The following DCDC1 variants were observed in gnomAD, a reference collection of about 807,000 sequenced individuals.
DCDC1 encodes doublecortin domain-containing protein 1.
In DCDC1, 200 loss-of-function variants were observed where a neutral mutation model predicts 178.3. The observed-to-expected ratio is 1.12, with a 90% CI of 1.00 to 1.26. DCDC1 has a LOEUF of 1.26. Ranked by LOEUF, DCDC1 falls within the 50% of genes most tolerant of loss-of-function variation. DCDC1 has a pLI of 0.00. For missense variants in DCDC1, 1,983 were observed against 1,749.2 expected, an observed-to-expected ratio of 1.13 and a Z score of -2.38; for synonymous variants, 690 against 604.8, an observed-to-expected ratio of 1.14 and a Z score of -2.07.
intron 7 of DCDC1, among the ~76,000 whole-genome samples, chr11:31,283,941 C>G (rs1392004243): frequency 6.6e-6 from 1 of 150,472 alleles, no homozygotes; most frequent in African/African-American, 2.4e-5. Flanking sequence ...TTCTCAGATT[C>G]TCTCTTCTCT....
chr11:31,335,900 G>A (rs530677994), intron 1 of DCDC1, among the ~76,000 whole-genome samples: 12 of 152,158 alleles, frequency 7.9e-5, no homozygotes, highest in Admixed American at 4.6e-4. Flanking sequence ...CAGGCCTAAG[G>A]AAAATATATT....
chr11:31,006,756 AAC>A (rs1394222850), intron 20 of DCDC1, among the ~76,000 whole-genome samples: 2 of 152,212 alleles, frequency 1.3e-5, no homozygotes, highest in African/African-American at 4.8e-5. Context: ...CCAGTTTCAA[AAC>A]TGTATAATTC....
At chr11:31,297,402 C>G (rs918194489) in intron 6 of DCDC1, among the ~76,000 whole-genome samples, 2 of 152,028 alleles carry the variant, frequency 1.3e-5, no homozygotes, top group African/African-American at 4.8e-5. Context: ...CTATGTCACC[C>G]AGCCTGGAGT....
At chr11:30,925,105 C>T (rs991367177) in intron 23 of DCDC1, among the ~76,000 whole-genome samples, 2 of 151,724 alleles carry the variant, frequency 1.3e-5, no homozygotes, top group Non-Finnish European at 2.9e-5. Flanking sequence ...TTATATACCA[C>T]TCTGAAAACC....
At chr11:31,276,764 C>A (rs186929408) in intron 7 of DCDC1, among the ~76,000 whole-genome samples, 2 of 152,118 alleles carry the variant, frequency 1.3e-5, no homozygotes, top group East Asian at 3.9e-4. Flanking sequence ...AGAATGTACA[C>A]CAAATCTAGT....
chr11:31,361,033 A>T (rs1199729259), intron 1 of DCDC1, among the ~76,000 whole-genome samples: 2 of 152,180 alleles, frequency 1.3e-5, no homozygotes, highest in Non-Finnish European at 2.9e-5. Context: ...TTGCTTTTTC[A>T]TTATGATACC....
chr11:31,286,509 A>C (rs1946850066), intron 7 of DCDC1, among the ~76,000 whole-genome samples: 1 of 152,014 alleles, frequency 6.6e-6, no homozygotes, highest in South Asian at 2.1e-4. Flanking sequence ...TTTATCTATA[A>C]AAATCAATAA....
chr11:31,235,076 A>G (rs1186026762), intron 9 of DCDC1, among the ~76,000 whole-genome samples: 1 of 152,154 alleles, frequency 6.6e-6, no homozygotes, highest in Non-Finnish European at 1.5e-5. Context: ...AAATTTCCAC[A>G]TAAGATATCT....
chr11:31,115,989 G>GGGGGGGGGGGGGGGGGT (rs1565304712), intron 11 of DCDC1, among the ~76,000 whole-genome samples: 1 of 134,432 alleles, frequency 7.4e-6, no homozygotes, highest in Non-Finnish European at 1.7e-5. Flanking sequence ...AGTGGGGGGG[G>GGGGGGGGGGGGGGGGGT]GGGGGATGGG....
At chr11:31,261,409 T>C (rs544860890) in intron 8 of DCDC1, among the ~76,000 whole-genome samples, 3 of 152,320 alleles carry the variant, frequency 2.0e-5, no homozygotes, top group Non-Finnish European at 4.4e-5. Flanking sequence ...TGTTTATGCA[T>C]AGATACATAA....
In DCDC1 at chr11:30,953,674, C is replaced by A. The variant is rs982869992; in HGVS notation, c.2592-1106G>T. ...TCCAAAGAAGTGTTTTTCAGTTTGG[C>A]AGTTCTTCAGAAAGTCAAATATTAG... On this transcript the variant is annotated intron_variant, in intron 20 of 38. Transcript: ENST00000684477. Among the ~76,000 whole-genome samples the A allele has an allele frequency of 2.0e-5, 3 of 152,184 alleles. No individual in the cohort carries two copies. The South Asian group carries it at 6.2e-4, about 32-fold the overall frequency.
intron 8 of DCDC1, among the ~76,000 whole-genome samples, chr11:31,246,472 T>C (rs1943576111): frequency 6.6e-6 from 1 of 151,952 alleles, no homozygotes; most frequent in African/African-American, 2.4e-5. Flanking sequence ...ATTGGCTTTT[T>C]TTTTTTTAAA....
chr11:31,162,492 C>G (rs1966400079), intron 9 of DCDC1, among the ~76,000 whole-genome samples: 1 of 152,090 alleles, frequency 6.6e-6, no homozygotes, highest in Non-Finnish European at 1.5e-5. Flanking sequence ...GAAAAGATTT[C>G]ACCTACAATT....
intron 20 of DCDC1, among the ~76,000 whole-genome samples, chr11:30,979,115 G>C (rs779150231): frequency 6.6e-6 from 1 of 150,728 alleles, no homozygotes; most frequent in African/African-American, 2.4e-5. Context: ...AATTTGGAGA[G>C]GGAGGGACTT....
At chr11:31,305,524 CA>C in intron 6 of DCDC1, 90 bp downstream of exon 6, 1 of 1,489,274 alleles carries the variant, frequency 6.7e-7, no homozygotes. Context: ...TTAAACCATG[CA>C]AAAAAGACAG....
At chr11:31,333,331 C>T (rs927427464) in intron 2 of DCDC1, among the ~76,000 whole-genome samples, 3 of 152,094 alleles carry the variant, frequency 2.0e-5, no homozygotes, top group Non-Finnish European at 4.4e-5. Flanking sequence ...TGACTCTATC[C>T]AATTTCCCAG....
chr11:31,259,446 A>C (rs1433890499), intron 8 of DCDC1, among the ~76,000 whole-genome samples: 1 of 152,218 alleles, frequency 6.6e-6, no homozygotes, highest in African/African-American at 2.4e-5. Flanking sequence ...ACCAAGTGTC[A>C]GGCACTTGTT....
intron 20 of DCDC1, among the ~76,000 whole-genome samples, chr11:31,048,228 A>T (rs1342717635): frequency 6.6e-6 from 1 of 152,234 alleles, no homozygotes; most frequent in Non-Finnish European, 1.5e-5. Context: ...ATGAGCATTT[A>T]TCAAATGAAT....
chr11:30,895,409 G>T (rs1408766643), intron 34 of DCDC1, among the ~76,000 whole-genome samples: 1 of 152,170 alleles, frequency 6.6e-6, no homozygotes, highest in African/African-American at 2.4e-5. Context: ...AGGCTTCTTA[G>T]AGAGAGTAAC....
Sources: gnomAD v4.1 joint callset for allele counts (sites outside exome capture counted in the v4.1 genomes callset) on GRCh38, gnomAD v4.1.1 for gene constraint, MANE v1.5 for transcripts, NCBI Gene and HGNC (gene_info 2026-07-23, HGNC 2026-07-21) for gene names.